The following CDK17 variants were observed in gnomAD, a reference collection of about 807,000 sequenced individuals.
CDK17 encodes cyclin-dependent kinase 17.
A neutral mutation model predicts 77.6 loss-of-function variants in CDK17; 24 were observed. The ratio of observed to expected loss-of-function variants is 0.31; its 90% CI spans 0.22 to 0.44. CDK17 has a LOEUF of 0.44. CDK17 is among the 20% of genes least tolerant of loss of function. The probability of loss-of-function intolerance (pLI) is 1.00; values close to 1 mark genes in which losing one functional copy is unlikely to be tolerated. For missense variants in CDK17, 429 were observed against 622.5 expected (o/e 0.69, Z 3.31); for synonymous variants, 203 against 210.4 (o/e 0.96, Z 0.30).
intron 1 of CDK17, among the ~76,000 whole-genome samples, chr12:96,368,681 T>C (rs1472431079): frequency 1.3e-5 from 2 of 152,004 alleles, no homozygotes; most frequent in Non-Finnish European, 2.9e-5. Context: ...TTTCGTCTAA[T>C]ATTCACTAGA....
At chr12:96,305,558 A>G (rs1005831335) in intron 5 of CDK17, among the ~76,000 whole-genome samples, 1 of 152,212 alleles carries the variant, frequency 6.6e-6, no homozygotes, top group Admixed American at 6.5e-5. Context: ...AACACACATC[A>G]GTTTATAGGG....
At chr12:96,350,800 AATG>A (rs997888733) in intron 1 of CDK17, among the ~76,000 whole-genome samples, 3 of 152,196 alleles carry the variant, frequency 2.0e-5, no homozygotes, top group African/African-American at 7.2e-5. Context: ...TGGATTTCAC[AATG>A]ATTTCTTAAA....
At position 96,280,817 on chromosome 12, in the gene CDK17, G is replaced by T; in HGVS notation, c.1525C>A (p.Pro509Thr). The T allele has an allele frequency of 6.2e-7, 1 of 1,613,786 alleles. No individual in the cohort carries two copies. Among genetic ancestry groups the T allele is most frequent in the Non-Finnish European group, 8.5e-7 (1 of 1,179,894 alleles). The change falls in exon 16 of 17, where the codon CCA becomes ACA. Residue 509 changes from proline (P) to threonine (T), a missense_variant. Pro to Thr is a conservative substitution (Grantham distance 38, BLOSUM62 -1). This residue lies in a region of CDK17 where 115 missense variants were observed against 124.2 expected (regional missense o/e 0.93). Transcript: ENST00000261211. ...TTTATGACAAACACACCTGTCTCTG[G>T]ATAAGAAGAATTTCGAAAACCCGGG... ...KDPGFRNSSY[P>T]ETGHGKNRRQ...
chr12:96,367,118 G>C (rs946521393), intron 1 of CDK17, among the ~76,000 whole-genome samples: 61 of 151,874 alleles, frequency 4.0e-4, no homozygotes, highest in Non-Finnish European at 7.4e-5. Flanking sequence ...GCCGAGGCGG[G>C]CGGATCATGA....
chr12:96,325,685 T>C (rs1952884290), intron 2 of CDK17, among the ~76,000 whole-genome samples: 1 of 152,134 alleles, frequency 6.6e-6, no homozygotes, highest in African/African-American at 2.4e-5. Flanking sequence ...ATACAGAACA[T>C]GTGTCTAAAG....
intron 1 of CDK17, chr12:96,335,151 G>T: frequency 2.2e-6 from 1 of 445,146 alleles, no homozygotes; most frequent in Non-Finnish European, 4.2e-6. Context: ...CTTAAAATGT[G>T]TATTTTAAAA....
At chr12:96,308,273 T>C (rs572406256) in intron 5 of CDK17, among the ~76,000 whole-genome samples, 1 of 145,464 alleles carries the variant, frequency 6.9e-6, no homozygotes, top group South Asian at 2.2e-4. Flanking sequence ...TAGCTGGGTG[T>C]GATGGTGTAC....
chr12:96,333,543 C>T (rs1249448936), intron 2 of CDK17, among the ~76,000 whole-genome samples: 1 of 151,740 alleles, frequency 6.6e-6, no homozygotes, highest in Non-Finnish European at 1.5e-5. Context: ...GCATGGTGGC[C>T]CATGCCTGTA....
At chr12:96,336,983 G>C (rs1284906764) in intron 1 of CDK17, among the ~76,000 whole-genome samples, 3 of 152,122 alleles carry the variant, frequency 2.0e-5, no homozygotes, top group South Asian at 2.1e-4. Context: ...TTTATTGTAT[G>C]TAAGACATTG....
rs1227263709 is a variant in CDK17 at position 96,279,199 on chromosome 12, C to T, written c.*1043G>A. ...GTATCTCTGGTAAACAGATAATACCCACAATAATTTCAAGCAATCCTGTAA... is the reference window on the plus strand; with the variant it reads ...GTATCTCTGGTAAACAGATAATACCTACAATAATTTCAAGCAATCCTGTAA... On this transcript the variant is annotated 3_prime_UTR_variant, in exon 17 of 17. Coordinates refer to ENST00000261211, the MANE Select transcript of CDK17 (RefSeq NM_002595.5). 1 of 152,094 alleles carries T rather than the reference C, an allele frequency of 6.6e-6. No individual in the cohort carries two copies. Among genetic ancestry groups the T allele is most frequent in the Admixed American group, 6.5e-5 (1 of 15,274 alleles). 9.4% of individuals were successfully genotyped at this position (152,094 alleles called of 1,614,324 possible). A position where few individuals can be genotyped will look rare whatever the true frequency, so the allele number is the denominator to read the frequency against.
intron 1 of CDK17, among the ~76,000 whole-genome samples, chr12:96,393,620 G>C (rs1954112377): frequency 6.6e-6 from 1 of 152,022 alleles, no homozygotes; most frequent in South Asian, 2.1e-4. Context: ...TGTAGTCCCA[G>C]CTATTTGGGA....
At chr12:96,301,651 GA>G (rs1412771100) in intron 5 of CDK17, among the ~76,000 whole-genome samples, 2 of 152,194 alleles carry the variant, frequency 1.3e-5, no homozygotes, top group East Asian at 3.9e-4. Flanking sequence ...CCAGTTAAAG[GA>G]AATAATGTTT....
At chr12:96,324,869 A>G (rs1478353508) in intron 2 of CDK17, among the ~76,000 whole-genome samples, 1 of 152,170 alleles carries the variant, frequency 6.6e-6, no homozygotes, top group Admixed American at 6.5e-5. Flanking sequence ...TCAAAATGGT[A>G]TGTCAATTAG....
At chr12:96,310,258 G>GGGATACATATTGTGC (rs1429726100) in intron 5 of CDK17, among the ~76,000 whole-genome samples, 1 of 151,966 alleles carries the variant, frequency 6.6e-6, no homozygotes, top group African/African-American at 2.4e-5. Context: ...CATACATACT[G>GGGATACATATTGTGC]GGATACATAT....
chr12:96,391,048 C>T (rs1020308997), intron 1 of CDK17, among the ~76,000 whole-genome samples: 4 of 150,406 alleles, frequency 2.7e-5, no homozygotes, highest in Non-Finnish European at 5.9e-5. Flanking sequence ...GATTGCACCA[C>T]TGCACTCCAA....
At chr12:96,341,056 T>C (rs537730265) in intron 1 of CDK17, among the ~76,000 whole-genome samples, 15 of 152,302 alleles carry the variant, frequency 9.8e-5, no homozygotes, top group South Asian at 6.2e-4. Flanking sequence ...TGCGTTCTCA[T>C]TGCTTAGCTC....
chr12:96,314,929 C>A (rs1952690860), intron 3 of CDK17, among the ~76,000 whole-genome samples: 1 of 152,124 alleles, frequency 6.6e-6, no homozygotes, highest in Non-Finnish European at 1.5e-5. Context: ...GACTACTGTG[C>A]CCCCACCCAC....
At chr12:96,305,948 C>G (rs1187509002) in intron 5 of CDK17, among the ~76,000 whole-genome samples, 1 of 152,142 alleles carries the variant, frequency 6.6e-6, no homozygotes, top group Non-Finnish European at 1.5e-5. Context: ...TCTTGGACTC[C>G]TGGGCTCAAG....
intron 1 of CDK17, among the ~76,000 whole-genome samples, chr12:96,394,347 G>A (rs146029052): frequency 6.6e-6 from 1 of 152,148 alleles, no homozygotes; most frequent in African/African-American, 2.4e-5. Context: ...TATAAGAATA[G>A]TAGATTAATA....
Sources: gnomAD v4.1 joint callset for allele counts (sites outside exome capture counted in the v4.1 genomes callset) on GRCh38, gnomAD v4.1.1 for gene constraint, gnomAD v4.1.1 regional missense constraint, MANE v1.5 for transcripts, NCBI Gene and HGNC (gene_info 2026-07-23, HGNC 2026-07-21) for gene names.